SOS2: variants seen among roughly 807,000 people sequenced by gnomAD.
SOS2 encodes the protein son of sevenless homolog 2.
Under a neutral mutation model 148.2 loss-of-function variants are expected in SOS2, and 65 were observed. The ratio of observed to expected loss-of-function variants is 0.44; its 90% CI spans 0.36 to 0.54. The LOEUF is 0.54. Among genes scored for constraint, SOS2 ranks in the 20% least tolerant of loss-of-function variants. The pLI, the probability that SOS2 is intolerant of heterozygous loss-of-function variation, is 0.00. For synonymous variants in SOS2, 539 were observed against 537.1 expected (o/e 1.00, Z -0.05); for missense variants, 1,341 against 1,590.2 (o/e 0.84, Z 2.67).
Position 50,130,572 on chromosome 14 carries a change from G to T in SOS2, c.3266C>A (p.Pro1089Gln), listed in dbSNP as rs1409054252. 1 of 1,613,584 alleles carries T rather than the reference G, an allele frequency of 6.2e-7. No homozygotes were observed. The highest frequency in any genetic ancestry group is 8.5e-7 in the Non-Finnish European group (1 of 1,179,640). ...AGAAGCAGATACTGGTGGAGTAGAT[G>T]GTGTATTTGGAGAGGTTGGTGCTGA... ...TVSAPTSPNTPSTPPVSASSD... is the reference protein window; with the variant it reads ...TVSAPTSPNTQSTPPVSASSD... The change falls in exon 20 of 23, where the codon CCA (proline) becomes CAA (glutamine). Residue 1089 changes from proline (P) to glutamine (Q), a missense_variant. Coordinates refer to ENST00000216373, the MANE Select transcript of SOS2 (RefSeq NM_006939.4).
chr14:50,161,437 G>C (rs1244557145), intron 9 of SOS2, 45 bp downstream of exon 9: 1 of 1,533,158 alleles, frequency 6.5e-7, no homozygotes, highest in African/African-American at 1.4e-5. Context: ...ATCAGAGACA[G>C]CGAAGTAAGC....
chr14:50,152,410 G>T (rs1468785239), intron 13 of SOS2, among the ~76,000 whole-genome samples: 1 of 152,060 alleles, frequency 6.6e-6, no homozygotes, highest in Non-Finnish European at 1.5e-5. Flanking sequence ...ATCATTAAAA[G>T]AATAAGATTA....
chr14:50,216,673 T>C (rs1218213130), intron 1 of SOS2, among the ~76,000 whole-genome samples: 1 of 152,024 alleles, frequency 6.6e-6, no homozygotes, highest in Non-Finnish European at 1.5e-5. Flanking sequence ...AGGCAGAGGT[T>C]GCAGTGAGCT....
intron 21 of SOS2, among the ~76,000 whole-genome samples, chr14:50,125,571 T>G (rs1883654944): frequency 6.9e-6 from 1 of 144,802 alleles, no homozygotes; most frequent in Non-Finnish European, 1.5e-5. Context: ...GAAGGTAGAT[T>G]ATAATGTATA....
intron 16 of SOS2, among the ~76,000 whole-genome samples, chr14:50,141,203 C>CAAAA (rs71118844): frequency 1.6e-4 from 5 of 30,586 alleles, no homozygotes; most frequent in Non-Finnish European, 2.6e-4. Context: ...GACTCTGTCT[C>CAAAA]AAAAAAAAAA....
chr14:50,190,805 C>T (rs943211023), intron 4 of SOS2, among the ~76,000 whole-genome samples: 1 of 152,194 alleles, frequency 6.6e-6, no homozygotes, highest in Non-Finnish European at 1.5e-5. Context: ...AATCCACCTT[C>T]TTGTCATTGG....
At chr14:50,208,042 T>C (rs1886726302) in intron 1 of SOS2, among the ~76,000 whole-genome samples, 1 of 152,056 alleles carries the variant, frequency 6.6e-6, no homozygotes. Context: ...ACACCTATAA[T>C]CCCAGCACTT....
chr14:50,178,729 C>T (rs71426465), intron 7 of SOS2, among the ~76,000 whole-genome samples: 8,733 of 24,972 alleles, frequency 0.35, 654 homozygotes, highest in African/African-American at 0.4. Context: ...TATACACACA[C>T]ATATATATAT....
At chr14:50,210,252 G>A (rs375097084) in intron 1 of SOS2, among the ~76,000 whole-genome samples, 13 of 152,190 alleles carry the variant, frequency 8.5e-5, no homozygotes, top group African/African-American at 1.9e-4. Context: ...ATATATAGAC[G>A]CTTATTTACA....
intron 12 of SOS2, among the ~76,000 whole-genome samples, chr14:50,154,032 A>G (rs776166916): frequency 2.0e-5 from 3 of 152,188 alleles, no homozygotes; most frequent in Non-Finnish European, 2.9e-5. Flanking sequence ...TAACCTTGCA[A>G]AGAGAGATTT....
chr14:50,159,583 A>ATT lies in SOS2; in HGVS notation c.1699_1700insAA (p.Leu567Ter). Reference protein sequence around the residue: ...LKEENEQPLRLPSPEVYRFVV... With the variant: ...LKEENEQPLR ...AAAACGATATACTTCAGGACTTGGT[A>ATT]ATCTCAGTGGTTGCTCATTTTCTTC... Residue 567 changes from leucine to a stop codon, truncating the protein, a stop_gained and frameshift_variant, in exon 10 of 23, where the codon TTA (leucine) becomes TAATA (stop). Coordinates refer to ENST00000216373, the MANE Select transcript of SOS2 (RefSeq NM_006939.4). LOFTEE classifies it high-confidence loss of function. 1 of 1,614,026 alleles carries ATT rather than the reference A, an allele frequency of 6.2e-7. No individual in the cohort carries two copies. Among genetic ancestry groups the ATT allele is most frequent in the Non-Finnish European group, 8.5e-7 (1 of 1,179,942 alleles).
chr14:50,225,249 C>T (rs762922076), intron 1 of SOS2, among the ~76,000 whole-genome samples: 5 of 152,148 alleles, frequency 3.3e-5, no homozygotes, highest in Non-Finnish European at 5.9e-5. Context: ...GCTACTGCAC[C>T]TGGCCCATGG....
intron 21 of SOS2, among the ~76,000 whole-genome samples, chr14:50,124,104 T>C (rs1280755700): frequency 6.6e-6 from 1 of 152,134 alleles, no homozygotes; most frequent in Non-Finnish European, 1.5e-5. Flanking sequence ...GATATCCAAC[T>C]GGAGATGTTA....
intron 16 of SOS2, among the ~76,000 whole-genome samples, chr14:50,143,477 G>A (rs1325006226): frequency 6.6e-6 from 1 of 151,996 alleles, no homozygotes; most frequent in Non-Finnish European, 1.5e-5. Flanking sequence ...TCACTCTGTT[G>A]CCCAGGCTAG....
At chr14:50,170,892 C>T (rs542794962) in intron 8 of SOS2, among the ~76,000 whole-genome samples, 4 of 149,992 alleles carry the variant, frequency 2.7e-5, no homozygotes, top group Admixed American at 6.6e-5. Context: ...GCAGGTGGAT[C>T]GCTTGAGGTC....
intron 8 of SOS2, among the ~76,000 whole-genome samples, chr14:50,163,264 A>G (rs1885069631): frequency 6.6e-6 from 1 of 151,848 alleles, no homozygotes; most frequent in Non-Finnish European, 1.5e-5. Flanking sequence ...TTAAAAACTT[A>G]AATCTATTTT....
chr14:50,128,008 TA>T (rs1307113623), intron 21 of SOS2, among the ~76,000 whole-genome samples: 1 of 152,144 alleles, frequency 6.6e-6, no homozygotes, highest in Non-Finnish European at 1.5e-5. Flanking sequence ...CAAAAAAAGG[TA>T]TAATAGGTTT....
chr14:50,186,961 T>C (rs912485824), intron 5 of SOS2, among the ~76,000 whole-genome samples: 14 of 152,306 alleles, frequency 9.2e-5, no homozygotes, highest in African/African-American at 1.9e-4. Context: ...TTACTCACGA[T>C]GTAGTTATTT....
Position 50,204,111 on chromosome 14 carries a change from C to T in SOS2, c.213+173G>A, listed in dbSNP as rs1175209652. Among the ~76,000 whole-genome samples the T allele has an allele frequency of 4.0e-5, 6 of 151,282 alleles. 1 individual carries two copies. Among genetic ancestry groups the T allele is most frequent in the African/African-American group, 1.5e-4 (6 of 41,282 alleles). Reference sequence around the variant, plus strand: ...TCTAAGTTTTTTTTTTTCTGAAAAACTTGCCTTTCCTCAATGAACTGCCTT... The same window carrying T: ...TCTAAGTTTTTTTTTTTCTGAAAAATTTGCCTTTCCTCAATGAACTGCCTT... On this transcript the variant is annotated intron_variant, in intron 2 of 22. Transcript: ENST00000216373.
Sources: allele counts gnomAD v4.1 joint callset (sites outside exome capture counted in the v4.1 genomes callset), GRCh38; gene constraint gnomAD v4.1.1; transcripts MANE v1.5; gene names NCBI Gene and HGNC (gene_info 2026-07-23, HGNC 2026-07-21).